The following ZNF804B variants were observed in gnomAD, a reference collection of about 807,000 sequenced individuals.
ZNF804B encodes the protein zinc finger 804B.
In ZNF804B, 80 loss-of-function variants were observed where a neutral mutation model predicts 101.4. That is an observed-to-expected ratio of 0.79 (90% CI 0.66 to 0.95). ZNF804B has a LOEUF of 0.95. Among genes scored for constraint, ZNF804B ranks in the 40% least tolerant of loss-of-function variants. The pLI is 0.00. For missense variants in ZNF804B, 1,673 were observed against 1,561.9 expected, an observed-to-expected ratio of 1.07 and a Z score of -1.20; for synonymous variants, 622 against 558.8, an observed-to-expected ratio of 1.11 and a Z score of -1.59.
chr7:89,023,284 A>G (rs1788697305), intron 1 of ZNF804B, among the ~76,000 whole-genome samples: 1 of 152,140 alleles, frequency 6.6e-6, no homozygotes, highest in Non-Finnish European at 1.5e-5. Context: ...TGTTTGTTCA[A>G]ATTCCCCACT....
chr7:89,330,017 T>G (rs535522820), intron 3 of ZNF804B, among the ~76,000 whole-genome samples: 9 of 151,748 alleles, frequency 5.9e-5, no homozygotes, highest in African/African-American at 1.9e-4. Flanking sequence ...TTAGAATTTT[T>G]GGAGAACAAT....
intron 1 of ZNF804B, among the ~76,000 whole-genome samples, chr7:88,978,627 A>G (rs1336909223): frequency 6.6e-6 from 1 of 151,308 alleles, no homozygotes; most frequent in Non-Finnish European, 1.5e-5. Flanking sequence ...CTTCTAGGCA[A>G]CAGACCATTT....
chr7:88,962,063 T>C (rs1793392687), intron 1 of ZNF804B, among the ~76,000 whole-genome samples: 1 of 151,320 alleles, frequency 6.6e-6, no homozygotes, highest in South Asian at 2.1e-4. Flanking sequence ...TAAAGCTGCC[T>C]AGTTTTATTG....
intron 1 of ZNF804B, among the ~76,000 whole-genome samples, chr7:88,950,388 C>A (rs1331947000): frequency 6.6e-6 from 1 of 151,780 alleles, no homozygotes; most frequent in African/African-American, 2.4e-5. Flanking sequence ...TAACTAGAGT[C>A]TGTTTTAAGT....
chr7:88,833,548 G>A (rs1310670944), intron 1 of ZNF804B, among the ~76,000 whole-genome samples: 3 of 150,638 alleles, frequency 2.0e-5, no homozygotes, highest in African/African-American at 4.9e-5. Context: ...GTAAAAGATA[G>A]GAAAATTTAG....
intron 1 of ZNF804B, among the ~76,000 whole-genome samples, chr7:88,838,013 A>C (rs919980407): frequency 6.6e-6 from 1 of 151,766 alleles, no homozygotes; most frequent in Admixed American, 6.6e-5. Flanking sequence ...CTTTTATGAG[A>C]AATACTGATA....
At chr7:88,770,427 T>C (rs1790045143) in intron 1 of ZNF804B, among the ~76,000 whole-genome samples, 2 of 152,176 alleles carry the variant, frequency 1.3e-5, no homozygotes, top group Admixed American at 6.5e-5. Context: ...TTCTTGAATC[T>C]GGAAAGGGCA....
intron 1 of ZNF804B, among the ~76,000 whole-genome samples, chr7:88,943,613 A>T (rs779109701): frequency 8.6e-5 from 13 of 151,870 alleles, no homozygotes; most frequent in Non-Finnish European, 1.2e-4. Context: ...ATACAAAGTA[A>T]AACTCATCCT....
At chr7:88,776,778 A>G (rs1586898321) in intron 1 of ZNF804B, among the ~76,000 whole-genome samples, 1 of 66,916 alleles carries the variant, frequency 1.5e-5, no homozygotes, top group African/African-American at 9.6e-5. Flanking sequence ...AGTAACCCAT[A>G]AACCCCCCCC....
chr7:88,990,056 A>G (rs1046735507), intron 1 of ZNF804B, among the ~76,000 whole-genome samples: 6 of 152,048 alleles, frequency 3.9e-5, no homozygotes, highest in African/African-American at 1.4e-4. Flanking sequence ...GTTCTAGCCA[A>G]TGATAACTAA....
At position 89,035,246 on chromosome 7, in the gene ZNF804B, G is replaced by A. The variant is rs114526245; in HGVS notation, c.109-182909G>A. Among the ~76,000 whole-genome samples the A allele has an allele frequency of 6.8e-3, 1,040 of 152,194 alleles. 9 individuals are homozygous for A. Among genetic ancestry groups the A allele is most frequent in the Admixed American group, 0.011 (171 of 15,256 alleles). ...GGTTACTGTTATAATTATTGATTCA[G>A]AGGGGATGTTATGTATGTAGGAAAA... On this transcript the variant is annotated intron_variant, in intron 1 of 3. Coordinates refer to ENST00000333190, the MANE Select transcript of ZNF804B (RefSeq NM_181646.5).
intron 1 of ZNF804B, among the ~76,000 whole-genome samples, chr7:88,978,781 T>C (rs963696377): frequency 1.4e-5 from 2 of 147,942 alleles, no homozygotes; most frequent in African/African-American, 5.0e-5. Flanking sequence ...ATTCTCTCCC[T>C]TCCTCCCTCT....
At chr7:89,300,164 A>G (rs1323939040) in intron 2 of ZNF804B, among the ~76,000 whole-genome samples, 1 of 151,510 alleles carries the variant, frequency 6.6e-6, no homozygotes, top group Non-Finnish European at 1.5e-5. Context: ...GAGACATTCC[A>G]TTGTCTTCCT....
chr7:88,970,001 T>C (rs904680762), intron 1 of ZNF804B, among the ~76,000 whole-genome samples: 1 of 151,422 alleles, frequency 6.6e-6, no homozygotes, highest in Admixed American at 6.6e-5. Flanking sequence ...CTCTTCCTCC[T>C]TTGCTCCTTT....
At chr7:88,805,705 G>C (rs759216447) in intron 1 of ZNF804B, among the ~76,000 whole-genome samples, 1 of 152,170 alleles carries the variant, frequency 6.6e-6, no homozygotes, top group East Asian at 1.9e-4. Context: ...ACATTCCTGG[G>C]GGTCTAGAGT....
intron 1 of ZNF804B, among the ~76,000 whole-genome samples, chr7:88,886,275 G>A (rs1274678942): frequency 6.6e-6 from 1 of 152,002 alleles, no homozygotes. Context: ...ATGTATATTT[G>A]TAGGTGTGGG....
chr7:88,894,307 G>C (rs1016764289), intron 1 of ZNF804B, among the ~76,000 whole-genome samples: 7 of 151,536 alleles, frequency 4.6e-5, no homozygotes, highest in African/African-American at 1.7e-4. Flanking sequence ...TCTGCCTCCC[G>C]GGTTGAAGTG....
intron 1 of ZNF804B, among the ~76,000 whole-genome samples, chr7:89,171,341 TTCTTCTTCTTCTTCTTCC>T (rs1562904504): frequency 1.1e-3 from 133 of 121,248 alleles, no homozygotes; most frequent in Non-Finnish European, 1.7e-3. Flanking sequence ...CTTCTTCTTC[TTCTTCTTCTTCTTCTTCC>T]TCCTCTTCCT....
At chr7:88,772,071 C>A (rs1790076608) in intron 1 of ZNF804B, among the ~76,000 whole-genome samples, 1 of 152,026 alleles carries the variant, frequency 6.6e-6, no homozygotes, top group Admixed American at 6.6e-5. Flanking sequence ...AGATAAAGCC[C>A]AAACAATGCT....
Sources: gnomAD v4.1 joint callset for allele counts (sites outside exome capture counted in the v4.1 genomes callset) on GRCh38, gnomAD v4.1.1 for gene constraint, MANE v1.5 for transcripts, NCBI Gene and HGNC (gene_info 2026-07-23, HGNC 2026-07-21) for gene names.